The following ARSG variants were observed in gnomAD, a reference collection of about 807,000 sequenced individuals.
ARSG encodes the protein arylsulfatase G.
A neutral mutation model predicts 50.5 loss-of-function variants in ARSG; 37 were observed. That is an observed-to-expected ratio of 0.73 (90% CI 0.56 to 0.96). The LOEUF is 0.96. ARSG is among the 50% of genes least tolerant of loss of function. The pLI is 0.00. For missense variants in ARSG, 629 were observed against 675.3 expected, an observed-to-expected ratio of 0.93 and a Z score of 0.76; for synonymous variants, 225 against 254.6, an observed-to-expected ratio of 0.88 and a Z score of 1.11.
chr17:68,260,454 A>G (rs1206893427), intron 1 of ARSG, among the ~76,000 whole-genome samples: 2 of 152,148 alleles, frequency 1.3e-5, no homozygotes, highest in African/African-American at 4.8e-5. Context: ...ATCAGTCTAT[A>G]TACTTCTGCC....
chr17:68,376,942 C>T (rs1447159946), intron 8 of ARSG, among the ~76,000 whole-genome samples: 1 of 151,672 alleles, frequency 6.6e-6, no homozygotes, highest in Non-Finnish European at 1.5e-5. Context: ...TCACTGCAAA[C>T]TCCACCTTCC....
intron 1 of ARSG, among the ~76,000 whole-genome samples, chr17:68,281,635 T>C (rs986735270): frequency 6.6e-6 from 1 of 152,088 alleles, no homozygotes; most frequent in East Asian, 1.9e-4. Context: ...TCAAAAGACA[T>C]ACATATGGCC....
intron 11 of ARSG, among the ~76,000 whole-genome samples, chr17:68,406,542 C>G (rs757104668): frequency 2.6e-4 from 40 of 152,176 alleles, no homozygotes; most frequent in Non-Finnish European, 5.3e-4. Context: ...ATGCCAACAT[C>G]TACTGTTTTT....
chr17:68,368,659 G>C lies in ARSG; in HGVS notation c.816G>C (p.Gly272=), dbSNP rs767710351. The stretch of plus-strand genomic sequence containing the variant: ...GGGGCAGAAGCCTGTATGGTGCAGG[G>C]CTCTGGGAGATGGACAGTCTGGTGG... ...APRGRSLYGA[G]LWEMDSLVGQ... Residue 272 remains glycine (G), a synonymous_variant, in exon 7 of 12, where the codon GGG becomes GGC. Coordinates refer to ENST00000621439, the MANE Select transcript of ARSG (RefSeq NM_001267727.2). 1 of 1,614,120 alleles carries C rather than the reference G, an allele frequency of 6.2e-7. No individual in the cohort carries two copies. The highest frequency in any genetic ancestry group is 8.5e-7 in the Non-Finnish European group (1 of 1,180,040).
chr17:68,357,882 C>T (rs2079103817), intron 6 of ARSG, among the ~76,000 whole-genome samples: 1 of 152,156 alleles, frequency 6.6e-6, no homozygotes, highest in Admixed American at 6.6e-5. Flanking sequence ...TATGTGAAAT[C>T]TCCTGATCTT....
At chr17:68,426,254 G>GGGGT (rs1445054523), downstream of ARSG, 7 of 816,872 alleles carry the variant, frequency 8.6e-6, no homozygotes, top group Admixed American at 2.3e-5. Flanking sequence ...GGGAGCGGGG[G>GGGGT]CTCAAATAAA....
At chr17:68,322,876 A>C (rs1286191648) in intron 2 of ARSG, among the ~76,000 whole-genome samples, 1 of 152,172 alleles carries the variant, frequency 6.6e-6, no homozygotes, top group Non-Finnish European at 1.5e-5. Context: ...AAAGTCCAAC[A>C]TCAGGGTACT....
At chr17:68,445,148 G>A in the ARSG span, among the ~76,000 whole-genome samples, 23 of 152,124 alleles carry the variant, frequency 1.5e-4, no homozygotes, top group Admixed American at 1.5e-3. Context: ...TCGAACTCCC[G>A]ACCTCAGGTG....
intron 11 of ARSG, among the ~76,000 whole-genome samples, chr17:68,410,662 C>T (rs77579223): frequency 0.2 from 30,081 of 152,128 alleles, 3,362 homozygotes; most frequent in Middle Eastern, 0.26. Flanking sequence ...AGGATTCCCT[C>T]TTTTTCTATT....
At chr17:68,386,017 A>G (rs1031289033) in intron 9 of ARSG, among the ~76,000 whole-genome samples, 1 of 152,198 alleles carries the variant, frequency 6.6e-6, no homozygotes, top group East Asian at 1.9e-4. Context: ...GAGTGTCTGC[A>G]TAGCTCACTG....
chr17:68,317,867 G>A (rs2077127731), intron 2 of ARSG, among the ~76,000 whole-genome samples: 1 of 152,208 alleles, frequency 6.6e-6, no homozygotes, highest in South Asian at 2.1e-4. Context: ...GGGAGGCCAA[G>A]GCCGGTGGAT....
the ARSG span, among the ~76,000 whole-genome samples, chr17:68,429,362 T>G: frequency 2.0e-5 from 3 of 152,224 alleles, no homozygotes; most frequent in African/African-American, 7.2e-5. Context: ...TAAACTCCTT[T>G]AAACTTCTTA....
rs931459206 is a variant in ARSG at position 68,385,272 on chromosome 17, A to G, written c.1091+100A>G. On this transcript the variant is annotated intron_variant, in intron 9 of 11. Transcript: ENST00000621439. The stretch of plus-strand genomic sequence containing the variant: ...GAGGCATGGGTGGCTAGATGGAGGC[A>G]TGGGTGGCTAGAGGCCTCAGGAAGG... The G allele has an allele frequency of 4.9e-6, 5 of 1,025,354 alleles. No homozygotes were observed. In the African/African-American group the frequency reaches 6.3e-5, roughly 13 times the overall value. The allele number at this position is 1,025,354 out of a possible 1,614,324, so 63.5% of individuals were successfully genotyped here. A position where few individuals can be genotyped will look rare whatever the true frequency, so the allele number is the denominator to read the frequency against.
chr17:68,421,851 C>T (rs1313333678), downstream of ARSG: 3 of 1,614,072 alleles, frequency 1.9e-6, no homozygotes, highest in Admixed American at 1.7e-5. Context: ...TGGCCTTACT[C>T]TTCTCAGGAA....
At position 68,271,497 on chromosome 17, in the gene ARSG, T is replaced by G. The variant is rs1189609822; in HGVS notation, c.-552+12071T>G. ...TCTCATTTTCAAGCATATACTGCGC[T>G]TCTTTCCGATTTTCCTGGATGACTA... On this transcript the variant is annotated intron_variant, in intron 1 of 11. Transcript: ENST00000448504. This position sits in a 1 kb window ranked among gnomAD's most constrained non-coding sequence, Gnocchi z 5.3. The G allele has an allele frequency of 2.5e-6, 4 of 1,614,206 alleles. No homozygotes were observed. Among genetic ancestry groups the G allele is most frequent in the Non-Finnish European group, 3.4e-6 (4 of 1,180,034 alleles).
rs1425213439 is a variant in ARSG, at chr17:68,281,090, C to G, written c.-552+21664C>G. On this transcript the variant is annotated intron_variant, in intron 1 of 11. Coordinates refer to the ARSG transcript ENST00000448504. ...GCAGTGAGCTGAGATCATGCCACTT[C>G]ACTCTAGCCTGGGTGACAGAAGGAG... is the stretch of plus-strand genomic sequence containing the variant. Among the ~76,000 whole-genome samples, 3 of 145,636 alleles carry G rather than the reference C, an allele frequency of 2.1e-5. No homozygotes were observed. In the East Asian group the frequency reaches 6.3e-4, roughly 30 times the overall value.
intron 2 of ARSG, among the ~76,000 whole-genome samples, chr17:68,342,954 T>C (rs2078336593): frequency 6.6e-6 from 1 of 152,332 alleles, no homozygotes; most frequent in South Asian, 2.1e-4. Context: ...TGACCCTAAA[T>C]CACCTCAAGT....
At chr17:68,436,200 T>C in the ARSG span, among the ~76,000 whole-genome samples, 6,362 of 152,282 alleles carry the variant, frequency 0.042, 400 homozygotes, top group African/African-American at 0.13. Flanking sequence ...AGCTGGCTTA[T>C]GGTGAGGTTG....
the ARSG span, chr17:68,434,500 G>A: frequency 8.0e-5 from 127 of 1,578,030 alleles, no homozygotes; most frequent in Admixed American, 1.2e-4. Context: ...AGCTGCCAGC[G>A]GTCCCTGCGG....
Sources: gnomAD v4.1 joint callset for allele counts (sites outside exome capture counted in the v4.1 genomes callset) on GRCh38, gnomAD v4.1.1 for gene constraint, Gnocchi (gnomAD v3.1) non-coding constraint, MANE v1.5 for transcripts, NCBI Gene and HGNC (gene_info 2026-07-23, HGNC 2026-07-21) for gene names.